The following BABAM2 variants were observed in gnomAD, a reference collection of about 807,000 sequenced individuals.
BABAM2 encodes BRISC and BRCA1-A complex member 2.
Under a neutral mutation model 54.7 loss-of-function variants are expected in BABAM2, and 31 were observed. The observed-to-expected ratio is 0.57, with a 90% CI of 0.43 to 0.77. The LOEUF (loss-of-function observed/expected upper bound fraction) is 0.77, where lower values mean the gene tolerates loss of function less well. BABAM2 is among the 30% of genes least tolerant of loss of function. The pLI is 0.00. For synonymous variants in BABAM2, 167 were observed against 162.9 expected (o/e 1.03, Z -0.19); for missense variants, 364 against 455.8 (o/e 0.80, Z 1.83).
At chr2:28,333,336 C>T (rs1691129055) in intron 11 of BABAM2, among the ~76,000 whole-genome samples, 2 of 152,136 alleles carry the variant, frequency 1.3e-5, no homozygotes, top group Admixed American at 1.3e-4. Context: ...CACAGGCTAC[C>T]CTCACCTTCT....
intron 3 of BABAM2, among the ~76,000 whole-genome samples, chr2:27,967,154 A>G (rs773780265): frequency 2.0e-4 from 30 of 152,190 alleles, no homozygotes; most frequent in Non-Finnish European, 4.0e-4. Context: ...TTGAGTACAT[A>G]TACTTCACTG....
rs1041604619 is a variant in BABAM2 at position 28,338,554 on chromosome 2, C to T, written c.*41C>T. 1.9e-6 allele frequency: 3 copies of T among 1,605,932 alleles called. No individual in the cohort carries two copies. Among genetic ancestry groups the T allele is most frequent in the Non-Finnish European group, 2.6e-6 (3 of 1,172,798 alleles). ...AGAGGTGGCCAGCCAGACTGCCTGTCCACATGCGTGTCAGCACATACAGCC... is the reference window on the plus strand; with the variant it reads ...AGAGGTGGCCAGCCAGACTGCCTGTTCACATGCGTGTCAGCACATACAGCC... On this transcript the variant is annotated 3_prime_UTR_variant, in exon 12 of 12. Coordinates refer to ENST00000379624, the MANE Select transcript of BABAM2 (RefSeq NM_199191.3).
intron 6 of BABAM2, among the ~76,000 whole-genome samples, chr2:28,087,096 GA>G (rs1665711009): frequency 1.1e-4 from 16 of 152,146 alleles, no homozygotes; most frequent in Admixed American, 9.2e-4. Context: ...CTTCTTCATT[GA>G]GAGATCTTCA....
At chr2:28,219,163 T>A (rs1444553103) in intron 7 of BABAM2, among the ~76,000 whole-genome samples, 1 of 152,204 alleles carries the variant, frequency 6.6e-6, no homozygotes, top group Non-Finnish European at 1.5e-5. Flanking sequence ...GAGACTCTAG[T>A]GGAGAATCTG....
chr2:28,270,273 C>T (rs1685312301), intron 10 of BABAM2, among the ~76,000 whole-genome samples: 1 of 152,142 alleles, frequency 6.6e-6, no homozygotes, highest in African/African-American at 2.4e-5. Flanking sequence ...AGGCACGTCC[C>T]AGCACACCTA....
chr2:27,897,668 G>A (rs1202979093), intron 2 of BABAM2, among the ~76,000 whole-genome samples: 1 of 151,686 alleles, frequency 6.6e-6, no homozygotes, highest in African/African-American at 2.4e-5. Flanking sequence ...TACTGGTTTA[G>A]AATTTTTGCC....
chr2:28,138,651 TC>T (rs1670751972), intron 7 of BABAM2, among the ~76,000 whole-genome samples: 1 of 152,168 alleles, frequency 6.6e-6, no homozygotes, highest in Non-Finnish European at 1.5e-5. Context: ...CTTCCTGTCT[TC>T]CTGTCCCCCA....
intron 7 of BABAM2, among the ~76,000 whole-genome samples, chr2:28,148,877 C>A (rs1305778605): frequency 6.6e-6 from 1 of 152,274 alleles, no homozygotes; most frequent in Non-Finnish European, 1.5e-5. Context: ...CTTTGTTCCT[C>A]GTGTTCTCAA....
intron 10 of BABAM2, among the ~76,000 whole-genome samples, chr2:28,247,470 A>G (rs1382208455): frequency 2.0e-5 from 3 of 152,200 alleles, no homozygotes; most frequent in Non-Finnish European, 4.4e-5. Context: ...CTTGGTTACA[A>G]TGCCCAAGGG....
chr2:28,130,559 C>T (rs1290941024), intron 7 of BABAM2, among the ~76,000 whole-genome samples: 1 of 150,420 alleles, frequency 6.6e-6, no homozygotes, highest in African/African-American at 2.5e-5. Flanking sequence ...CTCAAGTGAC[C>T]CTCCTACCTC....
At chr2:27,892,812 G>A (rs1297160390) in intron 1 of BABAM2, among the ~76,000 whole-genome samples, 4 of 152,060 alleles carry the variant, frequency 2.6e-5, no homozygotes. Context: ...GAGACTAGTC[G>A]GGGGGCGGTC....
At chr2:27,954,578 G>T (rs759818623) in intron 3 of BABAM2, among the ~76,000 whole-genome samples, 1 of 152,224 alleles carries the variant, frequency 6.6e-6, no homozygotes, top group Non-Finnish European at 1.5e-5. Flanking sequence ...GTGGGAGAAT[G>T]AGTAACTTGG....
chr2:28,150,884 T>A (rs559700863), intron 7 of BABAM2, among the ~76,000 whole-genome samples: 16 of 152,084 alleles, frequency 1.1e-4, no homozygotes, highest in South Asian at 4.2e-4. Context: ...ATGTATTTTT[T>A]AAAAAAAACA....
intron 6 of BABAM2, among the ~76,000 whole-genome samples, chr2:28,048,689 G>A (rs1038419264): frequency 1.3e-4 from 20 of 152,172 alleles, no homozygotes; most frequent in African/African-American, 4.3e-4. Context: ...GGGCTCAGTT[G>A]TGTACCCCTG....
intron 6 of BABAM2, among the ~76,000 whole-genome samples, chr2:28,107,202 C>G (rs530507217): frequency 6.6e-6 from 1 of 152,246 alleles, no homozygotes; most frequent in African/African-American, 2.4e-5. Context: ...AGTTGCTTCT[C>G]TATGTGAACA....
intron 5 of BABAM2, among the ~76,000 whole-genome samples, chr2:28,037,100 A>G (rs1676721896): frequency 6.6e-6 from 1 of 152,152 alleles, no homozygotes; most frequent in Non-Finnish European, 1.5e-5. Context: ...TGGATAAGGT[A>G]TTCATATTAT....
At chr2:28,209,549 G>A (rs1172443694) in intron 7 of BABAM2, among the ~76,000 whole-genome samples, 1 of 152,132 alleles carries the variant, frequency 6.6e-6, no homozygotes, top group Non-Finnish European at 1.5e-5. Flanking sequence ...GAGGGAGGAG[G>A]GGAGGCCTGC....
intron 5 of BABAM2, among the ~76,000 whole-genome samples, chr2:28,029,282 G>C (rs1448407127): frequency 1.3e-5 from 2 of 152,078 alleles, no homozygotes; most frequent in Non-Finnish European, 2.9e-5. Flanking sequence ...GTTCAGTAGT[G>C]TTAAGTATAT....
intron 7 of BABAM2, among the ~76,000 whole-genome samples, chr2:28,166,216 C>T (rs1673657946): frequency 2.0e-5 from 3 of 152,046 alleles, no homozygotes; most frequent in Non-Finnish European, 4.4e-5. Flanking sequence ...TTATGGCAGC[C>T]CTAGGAGGTG....
Sources: allele counts gnomAD v4.1 joint callset (sites outside exome capture counted in the v4.1 genomes callset), GRCh38; gene constraint gnomAD v4.1.1; transcripts MANE v1.5; gene names NCBI Gene and HGNC (gene_info 2026-07-23, HGNC 2026-07-21).